Variants in PCMTD1 observed in about 807,000 individuals in gnomAD.
The protein encoded by PCMTD1 is protein-L-isoaspartate (D-aspartate) O-methyltransferase domain containing 1.
Under a neutral mutation model 37.6 loss-of-function variants are expected in PCMTD1, and 12 were observed. That is an observed-to-expected ratio of 0.32 (90% CI 0.20 to 0.52). The LOEUF is 0.52. Among genes scored for constraint, PCMTD1 ranks in the 20% least tolerant of loss-of-function variants. The pLI, the probability that PCMTD1 is intolerant of heterozygous loss-of-function variation, is 0.97. For synonymous variants in PCMTD1, 117 were observed against 135.8 expected, an observed-to-expected ratio of 0.86 and a Z score of 0.96; for missense variants, 235 against 421.3, an observed-to-expected ratio of 0.56 and a Z score of 3.87.
chr8:51,883,802 T>C (rs1203883615), intron 1 of PCMTD1, among the ~76,000 whole-genome samples: 1 of 152,230 alleles, frequency 6.6e-6, no homozygotes, highest in Non-Finnish European at 1.5e-5. Flanking sequence ...TCGTATTATG[T>C]TGTTGACATT....
intron 1 of PCMTD1, among the ~76,000 whole-genome samples, chr8:51,887,358 C>G (rs2038878622): frequency 6.6e-6 from 1 of 152,090 alleles, no homozygotes; most frequent in Non-Finnish European, 1.5e-5. Context: ...ACCGGCAGCC[C>G]AAATCCATCC....
intron 5 of PCMTD1, chr8:51,827,298 A>G (rs757121503): frequency 4.5e-5 from 57 of 1,261,608 alleles, no homozygotes; most frequent in Non-Finnish European, 4.8e-5. Context: ...TTTCAAGTAC[A>G]GTAGTCTCCC....
At chr8:51,899,073 A>G (rs1326187357), upstream of PCMTD1, 57 of 1,498,938 alleles carry the variant, frequency 3.8e-5, no homozygotes, top group African/African-American at 8.6e-5. Context: ...TGGAGCAGCC[A>G]GAGCCTCCCG....
At chr8:51,848,406 C>T (rs188150494) in intron 2 of PCMTD1, among the ~76,000 whole-genome samples, 3 of 152,058 alleles carry the variant, frequency 2.0e-5, no homozygotes, top group African/African-American at 7.2e-5. Flanking sequence ...ACTGCTGGCA[C>T]TCCATGTTTC....
chr8:51,853,164 A>C (rs2038333641), intron 2 of PCMTD1, among the ~76,000 whole-genome samples: 1 of 152,238 alleles, frequency 6.6e-6, no homozygotes, highest in Non-Finnish European at 1.5e-5. Context: ...TAAACGTAAC[A>C]CACAGAGATG....
chr8:51,893,361 C>T (rs973069608), intron 1 of PCMTD1, among the ~76,000 whole-genome samples: 1 of 152,066 alleles, frequency 6.6e-6, no homozygotes, highest in African/African-American at 2.4e-5. Flanking sequence ...TTTAAAAAGT[C>T]TGAAATTTCA....
intron 1 of PCMTD1, 129 bp downstream of exon 1, chr8:51,898,801 G>T: frequency 2.2e-6 from 2 of 924,338 alleles, no homozygotes; most frequent in Non-Finnish European, 2.8e-6. Flanking sequence ...AAGTCCCCCT[G>T]CCCCCGACTC....
chr8:51,823,457 C>T (rs1408453692), intron 5 of PCMTD1, among the ~76,000 whole-genome samples: 1 of 151,958 alleles, frequency 6.6e-6, no homozygotes, highest in African/African-American at 2.4e-5. Flanking sequence ...AGAGTGAGAC[C>T]CTGTCTCAAA....
At chr8:51,832,664 G>GT (rs2038013799) in intron 4 of PCMTD1, among the ~76,000 whole-genome samples, 1 of 152,084 alleles carries the variant, frequency 6.6e-6, no homozygotes, top group South Asian at 2.1e-4. Flanking sequence ...CATTTTCTGA[G>GT]TAAATTAGTA....
intron 1 of PCMTD1, among the ~76,000 whole-genome samples, chr8:51,870,565 T>C (rs1392447931): frequency 6.6e-6 from 1 of 152,178 alleles, no homozygotes; most frequent in Non-Finnish European, 1.5e-5. Flanking sequence ...ATAGCAGCAA[T>C]TTCCTATGTG....
At chr8:51,879,018 C>T (rs559738269) in intron 1 of PCMTD1, among the ~76,000 whole-genome samples, 1 of 151,974 alleles carries the variant, frequency 6.6e-6, no homozygotes, top group East Asian at 1.9e-4. Context: ...CCCAGCGACT[C>T]GGAACTCTGA....
intron 1 of PCMTD1, among the ~76,000 whole-genome samples, chr8:51,874,167 G>A (rs2129290139): frequency 6.6e-6 from 1 of 152,224 alleles, no homozygotes; most frequent in South Asian, 2.1e-4. Context: ...CAAATGCTCA[G>A]GTATTTCTCT....
At chr8:51,857,382 G>A (rs1409866229) in intron 2 of PCMTD1, among the ~76,000 whole-genome samples, 1 of 152,116 alleles carries the variant, frequency 6.6e-6, no homozygotes, top group African/African-American at 2.4e-5. Flanking sequence ...AAGATACCTA[G>A]AATTTTTATA....
chr8:51,839,360 T>C (rs2038113458), intron 3 of PCMTD1: 1 of 713,054 alleles, frequency 1.4e-6, no homozygotes, highest in Non-Finnish European at 1.7e-6. Flanking sequence ...CTGAAAATCA[T>C]TTATGAAAAA....
chr8:51,867,029 C>T (rs1563354211), intron 1 of PCMTD1, among the ~76,000 whole-genome samples: 2 of 151,608 alleles, frequency 1.3e-5, no homozygotes, highest in South Asian at 2.1e-4. Flanking sequence ...ACAAATATGC[C>T]AATCAAAAAA....
intron 3 of PCMTD1, among the ~76,000 whole-genome samples, chr8:51,842,828 A>G (rs1157194805): frequency 6.6e-6 from 1 of 152,164 alleles, no homozygotes; most frequent in African/African-American, 2.4e-5. Flanking sequence ...AACCGGCAGC[A>G]TAAAAAAAAC....
At position 51,881,898 on chromosome 8, in the gene PCMTD1, T is replaced by G. The variant is rs1000627024; in HGVS notation, c.-96+17032A>C. Among the ~76,000 whole-genome samples the G allele has an allele frequency of 2.6e-5, 4 of 152,160 alleles. No homozygotes were observed. In the South Asian group the frequency reaches 6.2e-4, roughly 24 times the overall value. On this transcript the variant is annotated intron_variant, in intron 1 of 5. Coordinates refer to ENST00000522514, the MANE Select transcript of PCMTD1 (RefSeq NM_052937.4). ...TCTCCTCCCACAGCCTTTGCTGAAG[T>G]TCCCTTAACCACAATAAACTTCTTC...
intron 2 of PCMTD1, among the ~76,000 whole-genome samples, chr8:51,857,604 C>G (rs1428310715): frequency 1.3e-5 from 2 of 152,014 alleles, no homozygotes; most frequent in African/African-American, 2.4e-5. Flanking sequence ...GAGAATGAAA[C>G]GACAGTACTG....
intron 5 of PCMTD1, among the ~76,000 whole-genome samples, chr8:51,824,914 G>A (rs2037900590): frequency 6.6e-6 from 1 of 152,096 alleles, no homozygotes; most frequent in Admixed American, 6.5e-5. Context: ...TCTTATCTTT[G>A]ACAAACCTGA....
Sources: gnomAD v4.1 joint callset for allele counts (sites outside exome capture counted in the v4.1 genomes callset) on GRCh38, gnomAD v4.1.1 for gene constraint, MANE v1.5 for transcripts, NCBI Gene and HGNC (gene_info 2026-07-23, HGNC 2026-07-21) for gene names.